Variants in CLK3 observed in about 807,000 individuals in gnomAD.
The protein encoded by CLK3 is CDC like kinase 3.
Under a neutral mutation model 65.2 loss-of-function variants are expected in CLK3, and 24 were observed. That is an observed-to-expected ratio of 0.37 (90% CI 0.27 to 0.52). The LOEUF (loss-of-function observed/expected upper bound fraction) is 0.52. Among genes scored for constraint, CLK3 ranks in the 20% least tolerant of loss-of-function variants. The pLI is 0.92. For synonymous variants in CLK3, 252 were observed against 240.8 expected, an observed-to-expected ratio of 1.05 and a Z score of -0.43; for missense variants, 506 against 660.0, an observed-to-expected ratio of 0.77 and a Z score of 2.56.
At chr15:74,615,663 C>T (rs1380094424), upstream of CLK3, 4 of 1,246,786 alleles carry the variant, frequency 3.2e-6, no homozygotes, top group South Asian at 6.6e-5. Context: ...CCCCTCGGCC[C>T]TCCCGGAACT....
rs2062179922 is a variant in CLK3, at chr15:74,629,912, G to A, written c.*29G>A. ...GCACAGGCCACCGCATGAGGAGATGGAGGGCGGGACTGGGCCGCCCAGCCC... is the reference window on the plus strand; with the variant it reads ...GCACAGGCCACCGCATGAGGAGATGAAGGGCGGGACTGGGCCGCCCAGCCC... On this transcript the variant is annotated 3_prime_UTR_variant, in exon 13 of 13. Transcript: ENST00000395066. 2.5e-6 allele frequency: 4 copies of A among 1,588,074 alleles called. No homozygotes were observed. Among genetic ancestry groups the A allele is most frequent in the Non-Finnish European group, 3.4e-6 (4 of 1,167,274 alleles).
At chr15:74,609,018 C>A (rs74877417) in intron 1 of CLK3, among the ~76,000 whole-genome samples, 3,902 of 152,346 alleles carry the variant, frequency 0.026, 77 homozygotes, top group Non-Finnish European at 0.037. Flanking sequence ...GCCTCCAGGG[C>A]CTGCAATGGC....
rs1197591985 is a variant in CLK3, at chr15:74,627,007, G to A, written c.818-345G>A. 8 of 481,454 alleles carry A rather than the reference G, an allele frequency of 1.7e-5. No individual in the cohort carries two copies. In the East Asian group the frequency reaches 4.3e-4, roughly 26 times the overall value. The allele number at this position is 481,454 out of a possible 1,614,324, so 29.8% of individuals were successfully genotyped here. On this transcript the variant is annotated intron_variant, in intron 7 of 12. Transcript: ENST00000395066. This position sits in a 1 kb window ranked among gnomAD's most constrained non-coding sequence, Gnocchi z 4.3. ...TGCAAAGGGCCCTGCAAATTATGTA[G>A]CTGGTGCAGGGAAGAGGGAACCACC...
chr15:74,627,003 T>C lies in CLK3; in HGVS notation c.818-349T>C, dbSNP rs563428732. 2 of 478,110 alleles carry C rather than the reference T, an allele frequency of 4.2e-6. No individual in the cohort carries two copies. Among genetic ancestry groups the C allele is most frequent in the Admixed American group, 4.6e-5 (2 of 43,198 alleles). 29.6% of individuals were successfully genotyped at this position (478,110 alleles called of 1,614,324 possible). On this transcript the variant is annotated intron_variant, in intron 7 of 12. Coordinates refer to ENST00000395066, the MANE Select transcript of CLK3 (RefSeq NM_001130028.2). The surrounding 1 kb of genome is among the most constrained non-coding windows in gnomAD (Gnocchi z 4.3). ...ATTTTGCAAAGGGCCCTGCAAATTA[T>C]GTAGCTGGTGCAGGGAAGAGGGAAC... is the stretch of plus-strand genomic sequence containing the variant.
intron 12 of CLK3, 101 bp downstream of exon 12, chr15:74,629,133 C>T (rs2062170368): frequency 2.2e-6 from 2 of 912,868 alleles, no homozygotes; most frequent in South Asian, 2.7e-5. Flanking sequence ...AAGGCTGCCT[C>T]CTTGATCCAG....
At chr15:74,612,614 C>A (rs796454595), upstream of CLK3, among the ~76,000 whole-genome samples, 4 of 152,278 alleles carry the variant, frequency 2.6e-5, no homozygotes, top group African/African-American at 9.6e-5. Flanking sequence ...CCTCACATTC[C>A]CAGGCCTTCT....
intron 5 of CLK3, chr15:74,623,673 T>C (rs993094287): frequency 3.9e-5 from 6 of 152,196 alleles, no homozygotes; most frequent in African/African-American, 1.4e-4. Context: ...CCGGGATGCA[T>C]GTAGGCATTC....
At chr15:74,628,248 G>A (rs1364788568) in intron 10 of CLK3, among the ~76,000 whole-genome samples, 196 bp downstream of exon 10, 2 of 152,196 alleles carry the variant, frequency 1.3e-5, no homozygotes, top group East Asian at 1.9e-4. Flanking sequence ...GGAACACTCA[G>A]AGGAGTCTTA....
chr15:74,616,314 C>T (rs915291286), intron 1 of CLK3, among the ~76,000 whole-genome samples: 16 of 152,370 alleles, frequency 1.1e-4, no homozygotes, highest in Admixed American at 7.2e-4. Context: ...CCGGCTTTCC[C>T]TCTGTCCCCG....
intron 1 of CLK3, among the ~76,000 whole-genome samples, chr15:74,609,294 C>CTA (rs1250496956): frequency 6.6e-6 from 1 of 152,234 alleles, no homozygotes; most frequent in Non-Finnish European, 1.5e-5. Flanking sequence ...GCAGAGGCTT[C>CTA]TCTACACTCC....
Position 74,628,044 on chromosome 15 carries a change from C to T in CLK3, c.1117C>T (p.Leu373Phe), listed in dbSNP as rs1038501304. ...ILFEYYRGFT[L>F]FQTHENREHL... ...CTTTGAGTACTACCGGGGCTTCACA[C>T]TCTTCCAGGTACAGCCACCCTGCAT... Residue 373 changes from leucine to phenylalanine, a missense_variant, in exon 10 of 13, where the codon CTC becomes TTC. Transcript: ENST00000395066. 1.2e-6 allele frequency: 2 copies of T among 1,610,168 alleles called. No homozygotes were observed. Among genetic ancestry groups the T allele is most frequent in the South Asian group, 1.1e-5 (1 of 91,012 alleles).
At chr15:74,629,120 C>A (rs1163692253) in intron 12 of CLK3, 88 bp downstream of exon 12, 8 of 1,000,176 alleles carry the variant, frequency 8.0e-6, no homozygotes, top group Non-Finnish European at 1.1e-5. Context: ...GGCCAGGCCG[C>A]TAAAGGCTGC....
At chr15:74,615,421 G>T, upstream of CLK3, 3 of 1,265,152 alleles carry the variant, frequency 2.4e-6, no homozygotes. Flanking sequence ...ACAGACCTCA[G>T]GCCGCTCTCG....
At position 74,624,295 on chromosome 15, in the gene CLK3, TAAG is replaced by T. The variant is rs985781563; in HGVS notation, c.534-603_534-601del. The T allele has an allele frequency of 3.3e-5, 5 of 152,948 alleles. No homozygotes were observed. Among genetic ancestry groups the T allele is most frequent in the African/African-American group, 9.7e-5 (4 of 41,448 alleles). 9.5% of individuals were successfully genotyped at this position (152,948 alleles called of 1,614,324 possible). ...ACTGTTAAAACCTTCTTTGGACACT[TAAG>T]AAGGGTTCCTGGCATTTTGTGGTCA... On this transcript the variant is annotated intron_variant, in intron 5 of 12. Transcript: ENST00000395066. This position sits in a 1 kb window ranked among gnomAD's most constrained non-coding sequence, Gnocchi z 4.2.
Position 74,624,470 on chromosome 15 carries a change from C to G in CLK3, c.534-432C>G, listed in dbSNP as rs933429262. The stretch of plus-strand genomic sequence containing the variant: ...ATCCTGGAACCCCCATCCCTGTTTG[C>G]TCAGACTTGCAGACAAGCTCAGGAA... On this transcript the variant is annotated intron_variant, in intron 5 of 12. Transcript: ENST00000395066. This position sits in a 1 kb window ranked among gnomAD's most constrained non-coding sequence, Gnocchi z 4.2. 11 of 174,354 alleles carry G rather than the reference C, an allele frequency of 6.3e-5. No homozygotes were observed. The highest frequency in any genetic ancestry group is 2.3e-4 in the Admixed American group (4 of 17,716). 10.8% of individuals were successfully genotyped at this position (174,354 alleles called of 1,614,324 possible).
intron 1 of CLK3, 67 bp downstream of exon 1, chr15:74,615,965 A>C: frequency 1.7e-6 from 2 of 1,149,612 alleles, no homozygotes; most frequent in Middle Eastern, 3.2e-4. Flanking sequence ...TCGGCGGGGC[A>C]GGCGCGCTGG....
Position 74,622,821 on chromosome 15 carries a change from T to C in CLK3, c.533+261T>C, listed in dbSNP as rs2062114227. Among the ~76,000 whole-genome samples the C allele has an allele frequency of 6.6e-6, 1 of 152,140 alleles. No homozygotes were observed. The highest frequency in any genetic ancestry group is 1.5e-5 in the Non-Finnish European group (1 of 68,006). ...AAAGGTTCTGCTCCAATCTCTTCAC[T>C]TCTCCAGGGCTGTGGTGGTGGATAT... On this transcript the variant is annotated intron_variant, in intron 5 of 12. Coordinates refer to ENST00000395066, the MANE Select transcript of CLK3 (RefSeq NM_001130028.2). The surrounding 1 kb of genome is among the most constrained non-coding windows in gnomAD (Gnocchi z 4.6).
intron 6 of CLK3, among the ~76,000 whole-genome samples, chr15:74,625,241 T>C (rs2062134247): frequency 6.6e-6 from 1 of 152,114 alleles, no homozygotes; most frequent in South Asian, 2.1e-4. Context: ...GTTTTGTGAA[T>C]TGGGGAGCTC....
intron 3 of CLK3, 144 bp downstream of exon 3, chr15:74,620,369 C>G: frequency 8.6e-7 from 1 of 1,164,304 alleles, no homozygotes; most frequent in Non-Finnish European, 1.2e-6. Flanking sequence ...TATGTGTTGT[C>G]TGGTCCAGGT....
Sources: allele counts gnomAD v4.1 joint callset (sites outside exome capture counted in the v4.1 genomes callset), GRCh38; gene constraint gnomAD v4.1.1; non-coding constraint Gnocchi (gnomAD v3.1); transcripts MANE v1.5; gene names NCBI Gene and HGNC (gene_info 2026-07-23, HGNC 2026-07-21).